The following ALDH1A2 variants were observed in gnomAD, a reference collection of about 807,000 sequenced individuals.
The protein encoded by ALDH1A2 is retinal dehydrogenase 2.
ALDH1A2 carries 27 observed loss-of-function variants against 60.3 expected under a neutral mutation model. That is an observed-to-expected ratio of 0.45 (90% CI 0.33 to 0.62). The LOEUF (loss-of-function observed/expected upper bound fraction) is 0.62, where lower values mean the gene tolerates loss of function less well. ALDH1A2 is among the 20% of genes least tolerant of loss of function. The pLI is 0.02. For missense variants in ALDH1A2, 581 were observed against 643.8 expected, an observed-to-expected ratio of 0.90 and a Z score of 1.06; for synonymous variants, 289 against 232.4, an observed-to-expected ratio of 1.24 and a Z score of -2.21.
chr15:58,044,653 G>A (rs1170804196), intron 1 of ALDH1A2, among the ~76,000 whole-genome samples: 1 of 152,036 alleles, frequency 6.6e-6, no homozygotes, highest in Non-Finnish European at 1.5e-5. Context: ...ACTTCTGCCA[G>A]AGGACAGTCA....
chr15:58,054,847 T>C (rs1896857152), intron 1 of ALDH1A2, among the ~76,000 whole-genome samples: 2 of 152,174 alleles, frequency 1.3e-5, no homozygotes, highest in African/African-American at 2.4e-5. Context: ...TTCTTTATCA[T>C]AACCTAAAAA....
chr15:58,056,157 T>C (rs1198009004), intron 1 of ALDH1A2, among the ~76,000 whole-genome samples: 1 of 152,128 alleles, frequency 6.6e-6, no homozygotes, highest in Non-Finnish European at 1.5e-5. Flanking sequence ...ATAATAATCA[T>C]GTTACCCTAG....
rs147394940 is a variant in ALDH1A2, at chr15:58,034,629, G to T, written c.118-20348C>A. Among the ~76,000 whole-genome samples the T allele has an allele frequency of 4.5e-3, 677 of 151,698 alleles. 26 individuals carry two copies. The highest frequency in any genetic ancestry group is 0.039 in the Admixed American group (595 of 15,198). ...TAGATGTTTTTCATCAGGTTGAGGA[G>T]ATTCTCCTCTATTCATAATTTTTGA... On this transcript the variant is annotated intron_variant, in intron 1 of 12. Coordinates refer to ENST00000249750, the MANE Select transcript of ALDH1A2 (RefSeq NM_003888.4).
Position 57,955,057 on chromosome 15 carries a change from C to T in ALDH1A2, c.*140G>A. 2 of 963,246 alleles carry T rather than the reference C, an allele frequency of 2.1e-6. No individual in the cohort carries two copies. Among genetic ancestry groups the T allele is most frequent in the Non-Finnish European group, 3.4e-6 (2 of 592,444 alleles). 59.7% of individuals were successfully genotyped at this position (963,246 alleles called of 1,614,324 possible). A position where few individuals can be genotyped will look rare whatever the true frequency, so the allele number is the denominator to read the frequency against. ...CTGGTTTGCTTTAGTTGTGCAGTGA[C>T]CTGCCTGGCCTACATGTTATCTTTT... On this transcript the variant is annotated 3_prime_UTR_variant, in exon 13 of 13. Transcript: ENST00000249750.
intron 1 of ALDH1A2, among the ~76,000 whole-genome samples, chr15:58,032,710 A>T (rs1403030082): frequency 6.6e-6 from 1 of 152,056 alleles, no homozygotes; most frequent in South Asian, 2.1e-4. Flanking sequence ...TCAATATATC[A>T]AAGGGATACC....
chr15:58,005,202 T>C (rs541433351), intron 4 of ALDH1A2, among the ~76,000 whole-genome samples: 1 of 152,030 alleles, frequency 6.6e-6, no homozygotes, highest in South Asian at 2.1e-4. Flanking sequence ...CCATGTTCAC[T>C]TAACTTGTCC....
intron 1 of ALDH1A2, among the ~76,000 whole-genome samples, chr15:58,049,036 T>A (rs1191317894): frequency 6.6e-6 from 1 of 152,064 alleles, no homozygotes. Context: ...TATAGATTAT[T>A]TTGCCTTTTC....
At chr15:58,012,750 G>A (rs1315866954) in intron 3 of ALDH1A2, among the ~76,000 whole-genome samples, 5 of 152,074 alleles carry the variant, frequency 3.3e-5, no homozygotes, top group Non-Finnish European at 5.9e-5. Flanking sequence ...TTCCTGAGGG[G>A]GATGGTAGAA....
intron 1 of ALDH1A2, among the ~76,000 whole-genome samples, chr15:58,021,865 TTGCTGCTGG>T (rs1895938226): frequency 6.6e-6 from 1 of 152,178 alleles, no homozygotes; most frequent in Non-Finnish European, 1.5e-5. Context: ...GAGACACAAG[TTGCTGCTGG>T]AATTGGTGGT....
chr15:58,023,142 T>G (rs1173587811), intron 1 of ALDH1A2, among the ~76,000 whole-genome samples: 1 of 151,408 alleles, frequency 6.6e-6, no homozygotes, highest in Non-Finnish European at 1.5e-5. Flanking sequence ...AGAGATAAAT[T>G]TTTTTTTAAA....
chr15:58,040,120 T>C (rs1388152580), intron 1 of ALDH1A2, among the ~76,000 whole-genome samples: 1 of 151,892 alleles, frequency 6.6e-6, no homozygotes, highest in African/African-American at 2.4e-5. Flanking sequence ...GTATAAAATA[T>C]CAGAGAGGCA....
intron 1 of ALDH1A2, among the ~76,000 whole-genome samples, chr15:58,037,645 T>C (rs200108365): frequency 1.3e-5 from 2 of 151,764 alleles, no homozygotes; most frequent in East Asian, 3.9e-4. Flanking sequence ...CAGACCTAGA[T>C]TATGCTTTTG....
intron 12 of ALDH1A2, 93 bp downstream of exon 12, chr15:57,960,677 G>A: frequency 4.8e-6 from 5 of 1,043,218 alleles, no homozygotes; most frequent in Non-Finnish European, 7.4e-6. Context: ...ATGTATGGAT[G>A]AGTGTAAGAT....
intron 1 of ALDH1A2, among the ~76,000 whole-genome samples, chr15:58,061,434 A>T (rs1275121245): frequency 3.5e-5 from 5 of 144,454 alleles, no homozygotes; most frequent in Non-Finnish European, 6.0e-5. Context: ...GCCCCAGATT[A>T]AAAAAAAAAA....
At chr15:57,994,046 T>A (rs549893267) in intron 5 of ALDH1A2, among the ~76,000 whole-genome samples, 1 of 152,218 alleles carries the variant, frequency 6.6e-6, no homozygotes, top group African/African-American at 2.4e-5. Context: ...AGTGCAGTAA[T>A]TGAGCCAGAG....
chr15:58,019,191 T>G (rs1895858169), intron 1 of ALDH1A2, among the ~76,000 whole-genome samples: 1 of 152,136 alleles, frequency 6.6e-6, no homozygotes, highest in Non-Finnish European at 1.5e-5. Flanking sequence ...CATCTTTCAG[T>G]GCCTACCTTT....
intron 1 of ALDH1A2, among the ~76,000 whole-genome samples, chr15:58,035,956 G>C (rs1287674652): frequency 1.3e-5 from 2 of 151,486 alleles, no homozygotes; most frequent in African/African-American, 4.8e-5. Flanking sequence ...CCCAGCTTTT[G>C]CATTTTCCTT....
intron 1 of ALDH1A2, among the ~76,000 whole-genome samples, chr15:58,027,544 T>A (rs1350729331): frequency 6.6e-6 from 1 of 152,176 alleles, no homozygotes; most frequent in Non-Finnish European, 1.5e-5. Flanking sequence ...GCACTGTGAA[T>A]GAGTTTGATG....
chr15:58,038,991 A>T (rs1225915404), intron 1 of ALDH1A2, among the ~76,000 whole-genome samples: 1 of 151,824 alleles, frequency 6.6e-6, no homozygotes, highest in Admixed American at 6.6e-5. Flanking sequence ...CACTCTGGAA[A>T]GTTTTTTGGT....
Sources: allele counts gnomAD v4.1 joint callset (sites outside exome capture counted in the v4.1 genomes callset), GRCh38; gene constraint gnomAD v4.1.1; transcripts MANE v1.5; gene names NCBI Gene and HGNC (gene_info 2026-07-23, HGNC 2026-07-21).